MGAT4C: variants seen among roughly 807,000 people sequenced by gnomAD.
MGAT4C encodes the protein MGAT4 family member C.
A neutral mutation model predicts 40.1 loss-of-function variants in MGAT4C; 19 were observed. The observed-to-expected ratio is 0.47, with a 90% confidence interval of 0.33 to 0.70. The LOEUF is 0.70. Ranked by LOEUF, MGAT4C falls within the 30% of genes least tolerant of loss-of-function variation. The probability of loss-of-function intolerance (pLI) is 0.02; values close to 1 mark genes in which losing one functional copy is unlikely to be tolerated. For missense variants in MGAT4C, 491 were observed against 563.2 expected, an observed-to-expected ratio of 0.87 and a Z score of 1.30; for synonymous variants, 181 against 187.1, an observed-to-expected ratio of 0.97 and a Z score of 0.27.
At chr12:86,023,687 T>C (rs1274827889) in intron 2 of MGAT4C, among the ~76,000 whole-genome samples, 2 of 150,898 alleles carry the variant, frequency 1.3e-5, no homozygotes, top group Admixed American at 6.6e-5. Context: ...ATAGAACACA[T>C]AATACTGTTG....
intron 3 of MGAT4C, among the ~76,000 whole-genome samples, chr12:86,363,653 A>T (rs1184534763): frequency 2.6e-5 from 4 of 152,068 alleles, no homozygotes; most frequent in African/African-American, 9.7e-5. Flanking sequence ...AAAATAATAA[A>T]ATTAATGGAA....
chr12:86,693,096 A>G (rs1175602458), intron 2 of MGAT4C, among the ~76,000 whole-genome samples: 3 of 152,152 alleles, frequency 2.0e-5, no homozygotes, highest in Admixed American at 6.5e-5. Flanking sequence ...ATTTAGGGTG[A>G]GTTGACACTC....
chr12:86,368,018 T>C (rs887575816), intron 3 of MGAT4C, among the ~76,000 whole-genome samples: 5 of 152,184 alleles, frequency 3.3e-5, no homozygotes, highest in African/African-American at 1.2e-4. Flanking sequence ...TAAATGATAA[T>C]TATTAACTCA....
chr12:86,584,194 G>A (rs1373517123), intron 2 of MGAT4C, among the ~76,000 whole-genome samples: 1 of 150,794 alleles, frequency 6.6e-6, no homozygotes, highest in Non-Finnish European at 1.5e-5. Flanking sequence ...AAACACAAAT[G>A]AGAGATACAG....
chr12:86,604,443 TGTA>T (rs1961969366), intron 2 of MGAT4C, among the ~76,000 whole-genome samples: 2 of 152,094 alleles, frequency 1.3e-5, no homozygotes, highest in African/African-American at 4.8e-5. Flanking sequence ...AGAACATTTC[TGTA>T]TGCCAGAAGC....
chr12:86,452,060 C>T (rs971897235), intron 2 of MGAT4C, among the ~76,000 whole-genome samples: 2 of 152,074 alleles, frequency 1.3e-5, no homozygotes, highest in Admixed American at 6.6e-5. Context: ...TAATTACTGG[C>T]CAGTAGAAAC....
chr12:86,048,040 T>C (rs1352438283), intron 2 of MGAT4C, among the ~76,000 whole-genome samples: 2 of 151,724 alleles, frequency 1.3e-5, no homozygotes, highest in Non-Finnish European at 2.9e-5. Context: ...GAAACTTGGA[T>C]TGAACATAAG....
Position 85,979,925 on chromosome 12 carries a change from A to G in MGAT4C, c.801T>C (p.His267=). Residue 267 remains histidine, a synonymous_variant, in exon 5 of 5, where the codon CAT becomes CAC. Transcript: ENST00000611864. The stretch of plus-strand genomic sequence containing the variant: ...AAAAATGGGCCAAACGTGGGAGATC[A>G]TGAGAATGATAGAGTTTACCAATGT... ...LGYIGKLYHS[H]DLPRLAHFLL... is the part of the protein sequence containing the mutation. 1.2e-6 allele frequency: 2 copies of G among 1,613,866 alleles called. No individual in the cohort carries two copies. Among genetic ancestry groups the G allele is most frequent in the Non-Finnish European group, 1.7e-6 (2 of 1,179,854 alleles).
intron 1 of MGAT4C, among the ~76,000 whole-genome samples, chr12:86,765,084 T>C (rs1030505077): frequency 6.6e-6 from 1 of 151,954 alleles, no homozygotes; most frequent in Non-Finnish European, 1.5e-5. Flanking sequence ...CAGGAAGAAA[T>C]TCAAACCAAA....
chr12:86,110,519 C>A (rs375851901), intron 1 of MGAT4C, among the ~76,000 whole-genome samples: 1 of 149,810 alleles, frequency 6.7e-6, no homozygotes, highest in South Asian at 2.1e-4. Context: ...GTTTTCTAAA[C>A]GCATATTAAG....
chr12:86,681,527 C>T (rs1193554414), intron 2 of MGAT4C, among the ~76,000 whole-genome samples: 1 of 151,630 alleles, frequency 6.6e-6, no homozygotes, highest in Admixed American at 6.6e-5. Flanking sequence ...ACTTATTCAT[C>T]AAGCAGTTTT....
rs561727731 is a variant in MGAT4C at position 86,489,094 on chromosome 12, C to A, written c.-228-53829G>T. Among the ~76,000 whole-genome samples the A allele has an allele frequency of 2.0e-5, 3 of 152,216 alleles. No individual in the cohort carries two copies. The East Asian group carries it at 5.8e-4, about 29-fold the overall frequency. On this transcript the variant is annotated intron_variant, in intron 2 of 7. Coordinates refer to the MGAT4C transcript ENST00000548651. ...AAAACTACCTACAGCCTGCCCTGTG[C>A]CTATCTTGTGCCTATAAAGACCCCA...
At chr12:86,708,834 C>T (rs910439308) in intron 2 of MGAT4C, among the ~76,000 whole-genome samples, 1 of 152,158 alleles carries the variant, frequency 6.6e-6, no homozygotes. Context: ...TGTGTTTCCC[C>T]ACACCTGTAT....
chr12:86,532,924 C>A (rs1305223892), intron 2 of MGAT4C, among the ~76,000 whole-genome samples: 1 of 151,986 alleles, frequency 6.6e-6, no homozygotes, highest in Non-Finnish European at 1.5e-5. Flanking sequence ...CTGACAATTA[C>A]AGAGACGATT....
At chr12:86,385,476 A>G (rs1956033008) in intron 3 of MGAT4C, among the ~76,000 whole-genome samples, 2 of 152,310 alleles carry the variant, frequency 1.3e-5, no homozygotes, top group South Asian at 4.1e-4. Flanking sequence ...GAGAAAGAAA[A>G]GAAAATATTA....
intron 3 of MGAT4C, among the ~76,000 whole-genome samples, chr12:86,396,111 T>C (rs548758043): frequency 1.3e-5 from 2 of 152,218 alleles, no homozygotes; most frequent in South Asian, 2.1e-4. Flanking sequence ...CTGTAAAAAA[T>C]CTAAAAGTAA....
At chr12:86,225,562 C>T (rs1951042076) in intron 1 of MGAT4C, among the ~76,000 whole-genome samples, 1 of 152,018 alleles carries the variant, frequency 6.6e-6, no homozygotes, top group Non-Finnish European at 1.5e-5. Context: ...CATTACCACA[C>T]CAAATCCATC....
At chr12:86,633,944 G>C (rs1040809190) in intron 2 of MGAT4C, among the ~76,000 whole-genome samples, 2 of 151,918 alleles carry the variant, frequency 1.3e-5, no homozygotes, top group Non-Finnish European at 2.9e-5. Flanking sequence ...TGGGCAACAG[G>C]TGAAACATAA....
chr12:85,974,288 C>T lies in MGAT4C; in HGVS notation c.*5001G>A, dbSNP rs192878954. ...TTGAGTGAGAACATGAAAGCAAAAGCAAGTTCAGAAGAGGAACACAACCAG... is the reference window on the plus strand; with the variant it reads ...TTGAGTGAGAACATGAAAGCAAAAGTAAGTTCAGAAGAGGAACACAACCAG... On this transcript the variant is annotated 3_prime_UTR_variant, in exon 5 of 5. Transcript: ENST00000611864. The T allele has an allele frequency of 1.5e-4, 23 of 150,736 alleles. No individual in the cohort carries two copies. The East Asian group carries it at 2.9e-3, about 19-fold the overall frequency. 9.3% of individuals were successfully genotyped at this position (150,736 alleles called of 1,614,324 possible).
Sources: gnomAD v4.1 joint callset for allele counts (sites outside exome capture counted in the v4.1 genomes callset) on GRCh38, gnomAD v4.1.1 for gene constraint, MANE v1.5 for transcripts, NCBI Gene and HGNC (gene_info 2026-07-23, HGNC 2026-07-21) for gene names.